The following PI4K2A variants were observed in gnomAD, a reference collection of about 807,000 sequenced individuals.
PI4K2A encodes phosphatidylinositol 4-kinase type 2-alpha.
A neutral mutation model predicts 55.0 loss-of-function variants in PI4K2A; 20 were observed. The observed-to-expected ratio is 0.36, with a 90% confidence interval of 0.26 to 0.53. The LOEUF is 0.53. Among genes scored for constraint, PI4K2A ranks in the 20% least tolerant of loss-of-function variants. The probability of loss-of-function intolerance (pLI) is 0.91; values close to 1 mark genes in which losing one functional copy is unlikely to be tolerated. For missense variants in PI4K2A, 463 were observed against 637.1 expected (o/e 0.73, Z 2.94); for synonymous variants, 235 against 258.5 (o/e 0.91, Z 0.87).
At chr10:97,664,211 G>A (rs2041599722) in intron 5 of PI4K2A, among the ~76,000 whole-genome samples, 1 of 152,254 alleles carries the variant, frequency 6.6e-6, no homozygotes, top group African/African-American at 2.4e-5. Context: ...GTATCTCAGG[G>A]GATTCAGATT....
chr10:97,668,352 C>T (rs1020212796), intron 8 of PI4K2A, among the ~76,000 whole-genome samples: 1 of 152,178 alleles, frequency 6.6e-6, no homozygotes, highest in African/African-American at 2.4e-5. Flanking sequence ...CTTAGGTGGG[C>T]AGATCACTTG....
intron 2 of PI4K2A, among the ~76,000 whole-genome samples, chr10:97,652,434 G>A (rs774229255): frequency 2.0e-5 from 3 of 151,828 alleles, no homozygotes; most frequent in African/African-American, 4.8e-5. Context: ...TTGGGACTAC[G>A]GGCATGTGCC....
chr10:97,647,539 C>T (rs1348099790), intron 1 of PI4K2A, among the ~76,000 whole-genome samples: 2 of 152,168 alleles, frequency 1.3e-5, no homozygotes, highest in African/African-American at 2.4e-5. Flanking sequence ...GGGTATTTTA[C>T]CTCTCTGTCT....
intron 4 of PI4K2A, among the ~76,000 whole-genome samples, chr10:97,658,049 G>C (rs1017547541): frequency 6.6e-6 from 1 of 152,142 alleles, no homozygotes; most frequent in African/African-American, 2.4e-5. Context: ...TGGCCAGGCT[G>C]GTCTTGAACT....
At chr10:97,640,677 G>C, upstream of PI4K2A, 1 of 1,211,114 alleles carries the variant, frequency 8.3e-7, no homozygotes, top group Non-Finnish European at 1.1e-6. Context: ...GGATGTCACG[G>C]ATTGGTCGCG....
At chr10:97,664,485 T>C (rs11189312) in intron 5 of PI4K2A, among the ~76,000 whole-genome samples, 24,537 of 152,268 alleles carry the variant, frequency 0.16, 2,259 homozygotes, top group South Asian at 0.34. Context: ...AAGTAACATC[T>C]GAGTCAAGGT....
chr10:97,659,774 C>A (rs1026057639), intron 4 of PI4K2A, among the ~76,000 whole-genome samples: 1 of 151,886 alleles, frequency 6.6e-6, no homozygotes, highest in African/African-American at 2.4e-5. Context: ...TGAAATTAAC[C>A]ACAATTTACT....
intron 4 of PI4K2A, among the ~76,000 whole-genome samples, chr10:97,659,416 A>G (rs919028224): frequency 6.6e-6 from 1 of 151,614 alleles, no homozygotes; most frequent in African/African-American, 2.4e-5. Context: ...TTTTGTGTGG[A>G]AATTTTAGGG....
chr10:97,671,259 GAC>G (rs2041633838), intron 8 of PI4K2A, among the ~76,000 whole-genome samples: 1 of 152,060 alleles, frequency 6.6e-6, no homozygotes, highest in Admixed American at 6.6e-5. Flanking sequence ...TGTCCTCATG[GAC>G]ACATAACTGA....
intron 1 of PI4K2A, among the ~76,000 whole-genome samples, chr10:97,642,993 G>A (rs561850875): frequency 9.4e-6 from 1 of 106,356 alleles, no homozygotes; most frequent in East Asian, 2.6e-4. Context: ...TCTCTTTCTC[G>A]TCTTTCTTTC....
chr10:97,664,837 C>T (rs904286365), intron 5 of PI4K2A, 48 bp from the exon 6 acceptor site: 1 of 1,301,728 alleles, frequency 7.7e-7, no homozygotes, highest in Non-Finnish European at 1.1e-6. Context: ...TTGGAAGGGC[C>T]TGAGGGAGAT....
intron 1 of PI4K2A, among the ~76,000 whole-genome samples, chr10:97,644,849 G>A (rs2041496350): frequency 1.3e-5 from 2 of 152,116 alleles, no homozygotes; most frequent in Admixed American, 1.3e-4. Flanking sequence ...GAACAAGGGG[G>A]AACAGAGATT....
Position 97,672,722 on chromosome 10 carries a change from G to GTTTTTTTTTTTT in PI4K2A, c.1279-857_1279-856insTTTTTTTTTTTT, listed in dbSNP as rs201709914. 1.9e-4 allele frequency among the ~76,000 whole-genome samples: 18 copies of GTTTTTTTTTTTT among 94,776 alleles called. 1 individual carries two copies. The highest frequency in any genetic ancestry group is 3.0e-4 in the Non-Finnish European group (15 of 50,124). The allele number at this position is 94,776 out of a possible 152,430, so 62.2% of individuals were successfully genotyped here. A position where few individuals can be genotyped will look rare whatever the true frequency, so the allele number is the denominator to read the frequency against. ...ATGGAATTGCCGAGTCAGAGGGTCT[G>GTTTTTTTTTTTT]TTCTTTTTTTTTTTTTTTTTTTTTT... On this transcript the variant is annotated intron_variant, in intron 8 of 8. Transcript: ENST00000370631.
At chr10:97,666,984 G>A in intron 7 of PI4K2A, 77 bp from the exon 8 acceptor site, 2 of 1,156,258 alleles carry the variant, frequency 1.7e-6, no homozygotes, top group Non-Finnish European at 2.6e-6. Context: ...TTCTTAGAAA[G>A]TTTCTAACTG....
chr10:97,642,611 G>A (rs1161632665), intron 1 of PI4K2A, among the ~76,000 whole-genome samples: 2 of 151,630 alleles, frequency 1.3e-5, no homozygotes, highest in African/African-American at 2.4e-5. Flanking sequence ...GGATGGTCTC[G>A]ATCTCTTGAC....
chr10:97,659,947 A>G (rs999217245), intron 4 of PI4K2A, among the ~76,000 whole-genome samples: 2 of 147,836 alleles, frequency 1.4e-5, no homozygotes, highest in Non-Finnish European at 3.0e-5. Flanking sequence ...CTCTTAGAGT[A>G]TTGATTTTTA....
At position 97,656,993 on chromosome 10, in the gene PI4K2A, T is replaced by C. The variant is rs747605464; in HGVS notation, c.922+19T>C. 6.2e-7 allele frequency: 1 copy of C among 1,613,906 alleles called. No homozygotes were observed. Among genetic ancestry groups the C allele is most frequent in the Admixed American group, 1.7e-5 (1 of 60,028 alleles). On this transcript the variant is annotated intron_variant, in intron 4 of 8. Coordinates refer to ENST00000370631, the Ensembl canonical transcript of PI4K2A. This position sits in a 1 kb window ranked among gnomAD's most constrained non-coding sequence, Gnocchi z 4.5. ...AACACTGGTGAGCAGCTGCAGGTGG[T>C]CCCATGCCCTGTGCCAGACTGTGTT...
chr10:97,663,168 T>C (rs2041594648), intron 5 of PI4K2A, among the ~76,000 whole-genome samples, 200 bp downstream of exon 5: 1 of 152,228 alleles, frequency 6.6e-6, no homozygotes, highest in Admixed American at 6.5e-5. Flanking sequence ...TTAATAGGAA[T>C]AGCATGAAGA....
At chr10:97,658,336 G>A (rs1221741258) in intron 4 of PI4K2A, among the ~76,000 whole-genome samples, 1 of 152,100 alleles carries the variant, frequency 6.6e-6, no homozygotes, top group African/African-American at 2.4e-5. Context: ...CGTTCTCAAG[G>A]TACATCTATG....
Sources: gnomAD v4.1 joint callset for allele counts (sites outside exome capture counted in the v4.1 genomes callset) on GRCh38, gnomAD v4.1.1 for gene constraint, Gnocchi (gnomAD v3.1) non-coding constraint, MANE v1.5 for transcripts, NCBI Gene and HGNC (gene_info 2026-07-23, HGNC 2026-07-21) for gene names.